ABLIM1: variants seen among roughly 807,000 people sequenced by gnomAD.
ABLIM1 encodes actin binding LIM protein 1.
ABLIM1 carries 40 observed loss-of-function variants against 107.0 expected under a neutral mutation model. The observed-to-expected ratio is 0.37, with a 90% CI of 0.29 to 0.49. The LOEUF (loss-of-function observed/expected upper bound fraction) is 0.49, where lower values mean the gene tolerates loss of function less well. Among genes scored for constraint, ABLIM1 ranks in the 20% least tolerant of loss-of-function variants. The pLI is 0.97. For synonymous variants in ABLIM1, 357 were observed against 357.3 expected (o/e 1.00, Z 0.01); for missense variants, 857 against 1,008.5 (o/e 0.85, Z 2.04).
At chr10:114,663,026 T>G (rs942083804), upstream of ABLIM1, among the ~76,000 whole-genome samples, 1 of 152,202 alleles carries the variant, frequency 6.6e-6, no homozygotes, top group Admixed American at 6.5e-5. Context: ...ATCAGAGCAC[T>G]AAGTTGCTGC....
chr10:114,761,983 GCT>G (rs144008972), intron 1 of ABLIM1, among the ~76,000 whole-genome samples: 3,976 of 145,558 alleles, frequency 0.027, 94 homozygotes, highest in African/African-American at 0.071. Context: ...TATCCCATAT[GCT>G]CTCTCTCTCT....
chr10:114,465,893 A>C, intron 11 of ABLIM1, 66 bp from the exon 12 acceptor site: 1 of 1,541,864 alleles, frequency 6.5e-7, no homozygotes, highest in Non-Finnish European at 8.9e-7. Context: ...CTTCACAAAC[A>C]CTGCCAAGGA....
chr10:114,487,371 G>C (rs932856558), intron 8 of ABLIM1, among the ~76,000 whole-genome samples: 1 of 152,190 alleles, frequency 6.6e-6, no homozygotes, highest in African/African-American at 2.4e-5. Context: ...CAGAGATTAT[G>C]ATCACAGTTT....
Position 114,434,663 on chromosome 10 carries a change from A to G in ABLIM1, c.*1597T>C, listed in dbSNP as rs1014677253. The G allele has an allele frequency of 2.0e-5, 3 of 152,142 alleles. No homozygotes were observed. The highest frequency in any genetic ancestry group is 7.2e-5 in the African/African-American group (3 of 41,442). The allele number at this position is 152,142 out of a possible 1,614,324, so 9.4% of individuals were successfully genotyped here. ...GCTTAAATTCTTAAGCACAGCCCCA[A>G]AGCATGATAATAAAGTGGCTTACCC... is the stretch of plus-strand genomic sequence containing the variant. On this transcript the variant is annotated 3_prime_UTR_variant, in exon 23 of 23. Coordinates refer to ENST00000533213, the MANE Select transcript of ABLIM1 (RefSeq NM_002313.7).
intron 1 of ABLIM1, among the ~76,000 whole-genome samples, chr10:114,757,398 T>C (rs537274210): frequency 6.6e-6 from 1 of 152,200 alleles, no homozygotes; most frequent in Admixed American, 6.5e-5. Context: ...AATATTTTCA[T>C]AGAAGGCTGA....
intron 1 of ABLIM1, among the ~76,000 whole-genome samples, chr10:114,604,809 C>T (rs893114688): frequency 2.0e-5 from 3 of 152,186 alleles, no homozygotes; most frequent in Non-Finnish European, 4.4e-5. Flanking sequence ...TCTCTTGACA[C>T]TTGAATTTCT....
intron 6 of ABLIM1, among the ~76,000 whole-genome samples, chr10:114,527,840 GT>G (rs34890028): frequency 1.4e-4 from 19 of 138,494 alleles, no homozygotes; most frequent in Admixed American, 2.2e-4. Context: ...AATTTTTAAA[GT>G]TTTTTTTTTT....
intron 6 of ABLIM1, among the ~76,000 whole-genome samples, chr10:114,509,266 G>A (rs370622493): frequency 6.6e-6 from 1 of 152,184 alleles, no homozygotes; most frequent in Non-Finnish European, 1.5e-5. Context: ...AGGACTCCCA[G>A]GACGAGTCAG....
chr10:114,717,011 T>C (rs1273887252), intron 1 of ABLIM1, among the ~76,000 whole-genome samples: 1 of 151,916 alleles, frequency 6.6e-6, no homozygotes, highest in Non-Finnish European at 1.5e-5. Context: ...CCTAAGTCCA[T>C]CCCACTGATG....
chr10:114,762,663 T>A (rs1026967734), intron 1 of ABLIM1, among the ~76,000 whole-genome samples: 6 of 152,238 alleles, frequency 3.9e-5, no homozygotes, highest in African/African-American at 1.4e-4. Flanking sequence ...CACTGCTAAA[T>A]GCTTGTTATG....
chr10:114,788,323 CAATAAAAAAATAAAAAAAAAAAA>C, the ABLIM1 span, among the ~76,000 whole-genome samples: 2 of 54,688 alleles, frequency 3.7e-5, no homozygotes, highest in Non-Finnish European at 7.5e-5. Flanking sequence ...CAAGAATGAT[CAATAAAAAAATAAAAAAAAAAAA>C]AATAAATAAA....
chr10:114,437,589 G>C (rs1453423753), intron 22 of ABLIM1, among the ~76,000 whole-genome samples: 2 of 151,838 alleles, frequency 1.3e-5, no homozygotes, highest in Non-Finnish European at 2.9e-5. Flanking sequence ...AAAGTGTTGG[G>C]ATTATGGGCG....
chr10:114,701,545 TTG>T (rs779805372), intron 1 of ABLIM1, among the ~76,000 whole-genome samples: 9 of 152,154 alleles, frequency 5.9e-5, no homozygotes, highest in Non-Finnish European at 1.3e-4. Context: ...GATAATCAAA[TTG>T]TGATATACCT....
intron 1 of ABLIM1, among the ~76,000 whole-genome samples, chr10:114,674,115 C>T (rs1015457478): frequency 1.3e-5 from 2 of 151,832 alleles, no homozygotes; most frequent in African/African-American, 2.4e-5. Context: ...CATGGCGAAA[C>T]CCCATCTATA....
At chr10:114,731,297 C>A (rs2082068101) in intron 1 of ABLIM1, among the ~76,000 whole-genome samples, 1 of 151,794 alleles carries the variant, frequency 6.6e-6, no homozygotes, top group South Asian at 2.1e-4. Context: ...CCTGCCACCA[C>A]ACCCAGATAA....
intron 4 of ABLIM1, among the ~76,000 whole-genome samples, chr10:114,566,283 C>A (rs1591265386): frequency 6.6e-6 from 1 of 152,168 alleles, no homozygotes; most frequent in Admixed American, 6.5e-5. Context: ...GTCAGACACC[C>A]TTTGACATGG....
chr10:114,445,290 G>T (rs1304264019), intron 16 of ABLIM1, 22 bp downstream of exon 16: 1 of 1,601,030 alleles, frequency 6.2e-7, no homozygotes, highest in Non-Finnish European at 8.6e-7. Context: ...GAAGACAGCA[G>T]CAAGGTAGTT....
intron 6 of ABLIM1, among the ~76,000 whole-genome samples, chr10:114,533,052 T>G (rs975654275): frequency 6.6e-6 from 1 of 152,152 alleles, no homozygotes; most frequent in African/African-American, 2.4e-5. Flanking sequence ...AAAAAATTTT[T>G]AAACTGGCCA....
Position 114,613,641 on chromosome 10 carries a change from A to G in ABLIM1, c.245-11680T>C, listed in dbSNP as rs1049049741. On this transcript the variant is annotated intron_variant, in intron 1 of 22. Coordinates refer to ENST00000533213, the MANE Select transcript of ABLIM1 (RefSeq NM_002313.7). ...TTGCTCTTGCACTGTGAATAAAGAC[A>G]CAAACCTGCCCTCACCTGGGTCTCT... is the stretch of plus-strand genomic sequence containing the variant. The G allele has an allele frequency of 3.8e-6, 5 of 1,315,226 alleles. No individual in the cohort carries two copies. The Admixed American group carries it at 1.1e-4, about 29-fold the overall frequency. The allele number at this position is 1,315,226 out of a possible 1,614,324, so 81.5% of individuals were successfully genotyped here.
Sources: allele counts gnomAD v4.1 joint callset (sites outside exome capture counted in the v4.1 genomes callset), GRCh38; gene constraint gnomAD v4.1.1; transcripts MANE v1.5; gene names NCBI Gene and HGNC (gene_info 2026-07-23, HGNC 2026-07-21).